Variants in ESRRG observed in about 807,000 individuals in gnomAD.
ESRRG encodes the protein estrogen related receptor gamma.
A neutral mutation model predicts 44.0 loss-of-function variants in ESRRG; 13 were observed. The observed-to-expected ratio is 0.30, with a 90% confidence interval of 0.19 to 0.47. The LOEUF is 0.47. Among genes scored for constraint, ESRRG ranks in the 20% least tolerant of loss-of-function variants. The pLI is 1.00. For synonymous variants in ESRRG, 215 were observed against 214.6 expected (o/e 1.00, Z -0.02); for missense variants, 395 against 580.6 (o/e 0.68, Z 3.29).
intron 3 of ESRRG, among the ~76,000 whole-genome samples, chr1:216,615,793 T>G (rs1398663246): frequency 6.7e-6 from 1 of 149,000 alleles, no homozygotes; most frequent in African/African-American, 2.5e-5. Context: ...GCTCAAGAGA[T>G]TCTCCTGACT....
chr1:216,987,801 T>C (rs1283068633), intron 1 of ESRRG, among the ~76,000 whole-genome samples: 1 of 152,158 alleles, frequency 6.6e-6, no homozygotes, highest in Non-Finnish European at 1.5e-5. Context: ...ATGGTTTGCC[T>C]ATCTGCTTGC....
intron 1 of ESRRG, among the ~76,000 whole-genome samples, chr1:216,993,156 AT>A (rs1421654217): frequency 1.6e-4 from 24 of 152,214 alleles, no homozygotes; most frequent in Non-Finnish European, 3.1e-4. Flanking sequence ...TGAATGAGTT[AT>A]TTTATTCACA....
chr1:216,925,095 G>A (rs1578212176), intron 2 of ESRRG, among the ~76,000 whole-genome samples: 6 of 152,242 alleles, frequency 3.9e-5, no homozygotes, highest in Admixed American at 3.9e-4. Context: ...GGGAGACAAA[G>A]GTTTGGGGAC....
chr1:216,831,931 C>T (rs77398501), intron 2 of ESRRG, among the ~76,000 whole-genome samples: 2,371 of 152,006 alleles, frequency 0.016, 77 homozygotes, highest in African/African-American at 0.054. Flanking sequence ...TCTTTTTTCC[C>T]CAAAGATGCT....
chr1:216,656,929 A>T (rs2070756688), intron 2 of ESRRG, among the ~76,000 whole-genome samples: 1 of 152,198 alleles, frequency 6.6e-6, no homozygotes, highest in Non-Finnish European at 1.5e-5. Context: ...TAAGTGATTT[A>T]AAAATAATGG....
Position 216,505,355 on chromosome 1 carries a change from G to T in ESRRG, c.*1584C>A, listed in dbSNP as rs936660254. 1.3e-5 allele frequency: 2 copies of T among 152,398 alleles called. No homozygotes were observed. The highest frequency in any genetic ancestry group is 4.8e-5 in the African/African-American group (2 of 41,360). The allele number at this position is 152,398 out of a possible 1,614,324, so 9.4% of individuals were successfully genotyped here. The stretch of plus-strand genomic sequence containing the variant: ...AAGCACATATATTGGCTTAGCTCTT[G>T]GTAAAAACTGCAGATTAATTTAAAC... On this transcript the variant is annotated 3_prime_UTR_variant, in exon 7 of 7. Coordinates refer to ENST00000408911, the MANE Select transcript of ESRRG (RefSeq NM_001438.4).
intron 1 of ESRRG, among the ~76,000 whole-genome samples, chr1:217,094,712 A>G (rs1356415419): frequency 6.6e-6 from 1 of 152,236 alleles, no homozygotes; most frequent in Admixed American, 6.5e-5. Context: ...ATTTCTGCAC[A>G]TCTTGCTAGT....
At chr1:216,534,015 C>T (rs1443145266) in intron 5 of ESRRG, among the ~76,000 whole-genome samples, 1 of 152,086 alleles carries the variant, frequency 6.6e-6, no homozygotes, top group African/African-American at 2.4e-5. Context: ...CTATCAGGCC[C>T]AAACAATATC....
chr1:216,641,735 C>A (rs2066476832), intron 3 of ESRRG, among the ~76,000 whole-genome samples: 1 of 152,220 alleles, frequency 6.6e-6, no homozygotes, highest in Admixed American at 6.5e-5. Flanking sequence ...AGCTTCAGTA[C>A]TACTGATGTT....
At chr1:216,613,919 C>T (rs1009758949) in intron 3 of ESRRG, among the ~76,000 whole-genome samples, 2 of 152,160 alleles carry the variant, frequency 1.3e-5, no homozygotes. Flanking sequence ...TTCCTTCTGC[C>T]ATTTTCCCCG....
chr1:216,624,267 T>C (rs2062785476), intron 3 of ESRRG, among the ~76,000 whole-genome samples: 1 of 152,350 alleles, frequency 6.6e-6, no homozygotes, highest in Admixed American at 6.5e-5. Context: ...TTTCTGTTAC[T>C]GTGTTCAATT....
intron 1 of ESRRG, among the ~76,000 whole-genome samples, chr1:217,107,769 T>C (rs575914769): frequency 6.6e-6 from 1 of 152,328 alleles, no homozygotes; most frequent in African/African-American, 2.4e-5. Context: ...TAAGATGTTA[T>C]AAAGAGTATT....
At chr1:216,553,781 T>C (rs1168546897) in intron 5 of ESRRG, among the ~76,000 whole-genome samples, 1 of 152,132 alleles carries the variant, frequency 6.6e-6, no homozygotes, top group East Asian at 1.9e-4. Flanking sequence ...TGAGTTTACA[T>C]ACCTTGTATA....
intron 2 of ESRRG, among the ~76,000 whole-genome samples, chr1:216,911,771 T>TA (rs1219952544): frequency 1.3e-5 from 2 of 151,826 alleles, no homozygotes; most frequent in Non-Finnish European, 2.9e-5. Context: ...TAAAGTCTAT[T>TA]AAAAAAAGAA....
At position 216,997,662 on chromosome 1, in the gene ESRRG, A is replaced by G. The variant is rs2076537389; in HGVS notation, c.-105-57989T>C. 3.3e-5 allele frequency among the ~76,000 whole-genome samples: 5 copies of G among 152,192 alleles called. No individual in the cohort carries two copies. The South Asian group carries it at 1.0e-3, about 32-fold the overall frequency. ...AATTTGCATAAAGAGAGAATTTACA[A>G]AATTTCCCACTGAGGTCATCTTTCC... On this transcript the variant is annotated intron_variant, in intron 1 of 7. Transcript: ENST00000359162.
chr1:216,999,584 G>A (rs1292455687), intron 1 of ESRRG, among the ~76,000 whole-genome samples: 1 of 152,116 alleles, frequency 6.6e-6, no homozygotes, highest in Non-Finnish European at 1.5e-5. Context: ...CCTAGTTCAA[G>A]AGGTATGTGA....
intron 5 of ESRRG, among the ~76,000 whole-genome samples, chr1:216,534,121 A>G (rs550729503): frequency 2.0e-5 from 3 of 152,258 alleles, no homozygotes; most frequent in Admixed American, 2.0e-4. Flanking sequence ...TTGCCTGGGG[A>G]TGACAGAGGA....
intron 1 of ESRRG, among the ~76,000 whole-genome samples, chr1:217,112,772 C>T (rs370572323): frequency 5.9e-5 from 9 of 152,144 alleles, no homozygotes; most frequent in Non-Finnish European, 1.2e-4. Context: ...AAGATCAAAT[C>T]CAGTCTTTCT....
intron 2 of ESRRG, among the ~76,000 whole-genome samples, chr1:216,652,165 G>T (rs562055957): frequency 6.6e-6 from 1 of 152,050 alleles, no homozygotes; most frequent in Non-Finnish European, 1.5e-5. Context: ...CATCAGAGAC[G>T]GTCCGAGCAT....
Sources: gnomAD v4.1 joint callset for allele counts (sites outside exome capture counted in the v4.1 genomes callset) on GRCh38, gnomAD v4.1.1 for gene constraint, MANE v1.5 for transcripts, NCBI Gene and HGNC (gene_info 2026-07-23, HGNC 2026-07-21) for gene names.